PLCB1: variants seen among roughly 807,000 people sequenced by gnomAD.
The protein encoded by PLCB1 is 1-phosphatidylinositol 4,5-bisphosphate phosphodiesterase beta-1.
A neutral mutation model predicts 161.8 loss-of-function variants in PLCB1; 46 were observed. The ratio of observed to expected loss-of-function variants is 0.28; its 90% CI spans 0.22 to 0.36. PLCB1 has a LOEUF of 0.36. Among genes scored for constraint, PLCB1 ranks in the 10% least tolerant of loss-of-function variants. PLCB1 has a pLI of 1.00. For missense variants in PLCB1, 1,016 were observed against 1,472.5 expected (o/e 0.69, Z 5.07); for synonymous variants, 517 against 503.7 (o/e 1.03, Z -0.35).
At chr20:8,701,953 A>G (rs2123437840) in intron 11 of PLCB1, among the ~76,000 whole-genome samples, 1 of 152,324 alleles carries the variant, frequency 6.6e-6, no homozygotes, top group South Asian at 2.1e-4. Context: ...ATTAGACTAT[A>G]TTCTATAGCT....
intron 2 of PLCB1, among the ~76,000 whole-genome samples, chr20:8,195,888 T>C (rs1218027695): frequency 6.6e-6 from 1 of 152,108 alleles, no homozygotes; most frequent in African/African-American, 2.4e-5. Flanking sequence ...AAGAAATACC[T>C]GAGACTGGGT....
intron 10 of PLCB1, among the ~76,000 whole-genome samples, chr20:8,688,926 T>C (rs1482679115): frequency 6.6e-6 from 1 of 152,230 alleles, no homozygotes; most frequent in Non-Finnish European, 1.5e-5. Context: ...ATTTGTAGAT[T>C]GCTTTTGGCA....
intron 2 of PLCB1, among the ~76,000 whole-genome samples, chr20:8,190,550 T>C (rs56116321): frequency 0.018 from 2,752 of 152,164 alleles, 102 homozygotes; most frequent in African/African-American, 0.062. Flanking sequence ...GACAATTATC[T>C]TGATGGTCAG....
chr20:8,522,191 T>C (rs77581806), intron 3 of PLCB1, among the ~76,000 whole-genome samples: 1 of 152,168 alleles, frequency 6.6e-6, no homozygotes, highest in Non-Finnish European at 1.5e-5. Context: ...GATACAGAGA[T>C]GCAATGTAGG....
rs144127937 is a variant in PLCB1 at position 8,671,227 on chromosome 20, A to G, written c.862+12523A>G. 8.6e-5 allele frequency among the ~76,000 whole-genome samples: 13 copies of G among 151,738 alleles called. No homozygotes were observed. The East Asian group carries it at 2.5e-3, about 29-fold the overall frequency. On this transcript the variant is annotated intron_variant, in intron 9 of 31. Transcript: ENST00000338037. ...CTGTCTTCCAAGGCAAAATTTGTAG[A>G]TTTTTCTGTGCTGCAGAGCTCTGAA...
At chr20:8,302,833 G>A (rs1275392753) in intron 2 of PLCB1, among the ~76,000 whole-genome samples, 1 of 151,880 alleles carries the variant, frequency 6.6e-6, no homozygotes, top group East Asian at 1.9e-4. Flanking sequence ...TATTTTTCAA[G>A]GAATGATCTT....
intron 30 of PLCB1, among the ~76,000 whole-genome samples, chr20:8,789,874 G>C (rs904334259): frequency 1.3e-5 from 2 of 152,192 alleles, no homozygotes; most frequent in Non-Finnish European, 2.9e-5. Flanking sequence ...ATCAATGATA[G>C]AGATGATGGC....
At chr20:8,532,981 T>A (rs1245739652) in intron 3 of PLCB1, among the ~76,000 whole-genome samples, 1 of 151,830 alleles carries the variant, frequency 6.6e-6, no homozygotes, top group East Asian at 1.9e-4. Flanking sequence ...TCATTTAGCA[T>A]TAGGTATATC....
chr20:8,361,772 A>G lies in PLCB1; in HGVS notation c.178-9610A>G, dbSNP rs140119189. 2.5e-3 allele frequency among the ~76,000 whole-genome samples: 387 copies of G among 152,348 alleles called. 2 individuals carry two copies. Among genetic ancestry groups the G allele is most frequent in the East Asian group, 0.024 (123 of 5,180 alleles). On this transcript the variant is annotated intron_variant, in intron 2 of 31. Coordinates refer to ENST00000338037, the MANE Select transcript of PLCB1 (RefSeq NM_015192.4). ...CCAGAGATAACATTTTAGATGATTC[A>G]AAGGGGAAATCTGGCTACATTTATA...
intron 21 of PLCB1, among the ~76,000 whole-genome samples, chr20:8,739,872 A>T (rs1368844363): frequency 6.6e-6 from 1 of 152,242 alleles, no homozygotes; most frequent in African/African-American, 2.4e-5. Flanking sequence ...CAAGTCAAGA[A>T]ATCACGTCAA....
chr20:8,139,621 A>G (rs2051383443), intron 1 of PLCB1, among the ~76,000 whole-genome samples: 1 of 152,214 alleles, frequency 6.6e-6, no homozygotes, highest in African/African-American at 2.4e-5. Flanking sequence ...GAAATAGTTA[A>G]GAGTAAGGGA....
chr20:8,438,955 GTTGACT>G (rs1980428438), intron 3 of PLCB1, among the ~76,000 whole-genome samples: 1 of 152,176 alleles, frequency 6.6e-6, no homozygotes, highest in Non-Finnish European at 1.5e-5. Flanking sequence ...CTCTTTGGTT[GTTGACT>G]TTGTCGGCAG....
At chr20:8,152,169 A>T (rs946507611) in intron 2 of PLCB1, among the ~76,000 whole-genome samples, 2 of 152,188 alleles carry the variant, frequency 1.3e-5, no homozygotes, top group Non-Finnish European at 2.9e-5. Context: ...GCCAAGAGAT[A>T]GAAATAGTAA....
chr20:8,166,542 T>C (rs2051677219), intron 2 of PLCB1, among the ~76,000 whole-genome samples: 1 of 152,150 alleles, frequency 6.6e-6, no homozygotes, highest in Non-Finnish European at 1.5e-5. Context: ...TCTGGATACA[T>C]TGGCTCCCAA....
At chr20:8,833,729 T>G (rs1404046805) in intron 31 of PLCB1, among the ~76,000 whole-genome samples, 1 of 152,218 alleles carries the variant, frequency 6.6e-6, no homozygotes, top group Non-Finnish European at 1.5e-5. Context: ...AAGAATACAT[T>G]TCTATTGTTT....
intron 2 of PLCB1, among the ~76,000 whole-genome samples, chr20:8,351,270 G>T (rs1428732349): frequency 6.6e-6 from 1 of 152,060 alleles, no homozygotes; most frequent in Non-Finnish European, 1.5e-5. Context: ...AAAAAATAGT[G>T]CTGGAGCAAT....
chr20:8,270,091 A>G (rs376997537), intron 2 of PLCB1, among the ~76,000 whole-genome samples: 10 of 152,256 alleles, frequency 6.6e-5, no homozygotes, highest in South Asian at 6.2e-4. Context: ...TGTGGCCAGA[A>G]TGATTACCAA....
At chr20:8,685,534 T>G (rs6056004) in intron 10 of PLCB1, among the ~76,000 whole-genome samples, 124,839 of 146,158 alleles carry the variant, frequency 0.85, 53,373 homozygotes, top group East Asian at 0.99. Context: ...GACCAGCCTG[T>G]TCAATATGGC....
At chr20:8,217,951 C>A (rs1979220001) in intron 2 of PLCB1, among the ~76,000 whole-genome samples, 1 of 152,082 alleles carries the variant, frequency 6.6e-6, no homozygotes, top group East Asian at 1.9e-4. Flanking sequence ...GGCACTTGAT[C>A]TTGGACTTCC....
Sources: gnomAD v4.1 joint callset for allele counts (sites outside exome capture counted in the v4.1 genomes callset) on GRCh38, gnomAD v4.1.1 for gene constraint, MANE v1.5 for transcripts, NCBI Gene and HGNC (gene_info 2026-07-23, HGNC 2026-07-21) for gene names.